TSHR: variants seen among roughly 807,000 people sequenced by gnomAD.
The protein encoded by TSHR is thyroid stimulating hormone receptor.
A neutral mutation model predicts 64.1 loss-of-function variants in TSHR; 51 were observed. The observed-to-expected ratio is 0.80, with a 90% CI of 0.64 to 1.01. TSHR has a LOEUF of 1.01. Ranked by LOEUF, TSHR falls within the 50% of genes least tolerant of loss-of-function variation. The pLI, the probability that TSHR is intolerant of heterozygous loss-of-function variation, is 0.00. For synonymous variants in TSHR, 361 were observed against 361.9 expected (o/e 1.00, Z 0.03); for missense variants, 877 against 942.8 (o/e 0.93, Z 0.91).
intron 1 of TSHR, among the ~76,000 whole-genome samples, chr14:81,018,940 G>A (rs375476277): frequency 5.9e-5 from 9 of 152,250 alleles, no homozygotes; most frequent in East Asian, 5.8e-4. Flanking sequence ...GATGTTACTC[G>A]TGAAGACAAA....
intron 1 of TSHR, among the ~76,000 whole-genome samples, chr14:81,055,508 A>T (rs529001990): frequency 2.6e-5 from 4 of 152,276 alleles, no homozygotes; most frequent in Admixed American, 2.6e-4. Context: ...ATCTACAGAC[A>T]CTCAACACTA....
chr14:80,982,447 G>A, intron 1 of TSHR: 1 of 1,177,864 alleles, frequency 8.5e-7, no homozygotes, highest in Non-Finnish European at 1.2e-6. Context: ...GTTGGAGCCT[G>A]TGACTGGGGC....
At chr14:81,108,221 A>C in intron 7 of TSHR, 154 bp from the exon 8 acceptor site, 1 of 667,574 alleles carries the variant, frequency 1.5e-6, no homozygotes, top group Non-Finnish European at 2.6e-6. Flanking sequence ...GAATGTTTTA[A>C]GTGCTCAAGC....
intron 1 of TSHR, among the ~76,000 whole-genome samples, chr14:81,009,169 C>A (rs1889776019): frequency 1.3e-5 from 2 of 152,100 alleles, no homozygotes; most frequent in African/African-American, 2.4e-5. Flanking sequence ...TCAATGTAAT[C>A]ATGCTTTTAT....
chr14:81,002,781 C>CTTTTTTTTTTTTTT (rs1174635270), intron 1 of TSHR, among the ~76,000 whole-genome samples: 16 of 44,316 alleles, frequency 3.6e-4, no homozygotes, highest in African/African-American at 8.8e-4. Flanking sequence ...CCTAATGCCT[C>CTTTTTTTTTTTTTT]TTTTTTTTTT....
intron 3 of TSHR, among the ~76,000 whole-genome samples, chr14:81,076,941 C>T (rs1400506054): frequency 6.6e-6 from 1 of 152,190 alleles, no homozygotes; most frequent in Non-Finnish European, 1.5e-5. Flanking sequence ...TCCTGCACAC[C>T]TGTGTTCTTT....
chr14:81,068,387 C>G (rs868755944), intron 3 of TSHR, 59 bp downstream of exon 3: 4 of 1,536,486 alleles, frequency 2.6e-6, no homozygotes, highest in Non-Finnish European at 2.7e-6. Context: ...GACTGATAAT[C>G]TTGGGGCTCC....
At chr14:81,056,672 G>C (rs1885825215) in intron 1 of TSHR, among the ~76,000 whole-genome samples, 1 of 152,118 alleles carries the variant, frequency 6.6e-6, no homozygotes, top group South Asian at 2.1e-4. Context: ...ATTTCCATAA[G>C]TCAAACTTAT....
chr14:81,099,266 T>C (rs750689019), intron 7 of TSHR: 1 of 141,098 alleles, frequency 7.1e-6, no homozygotes, highest in Non-Finnish European at 1.5e-5. Flanking sequence ...CAAGAACACA[T>C]GGCTTTTTTT....
chr14:81,030,789 T>G (rs1884309437), intron 1 of TSHR, among the ~76,000 whole-genome samples: 1 of 152,164 alleles, frequency 6.6e-6, no homozygotes, highest in African/African-American at 2.4e-5. Flanking sequence ...GAGAGGATTG[T>G]CAGGAGAAAA....
At chr14:81,011,262 G>T (rs1192971887) in intron 1 of TSHR, among the ~76,000 whole-genome samples, 2 of 151,146 alleles carry the variant, frequency 1.3e-5, no homozygotes, top group East Asian at 1.9e-4. Flanking sequence ...AAAGTATCAG[G>T]TTTTTGAAAG....
chr14:80,978,866 G>A (rs1041667910), intron 1 of TSHR, among the ~76,000 whole-genome samples: 1 of 152,136 alleles, frequency 6.6e-6, no homozygotes, highest in Non-Finnish European at 1.5e-5. Flanking sequence ...GGATGGTTTT[G>A]AGGTTCTTAT....
At chr14:81,011,703 T>C (rs1447205773) in intron 1 of TSHR, among the ~76,000 whole-genome samples, 4 of 152,150 alleles carry the variant, frequency 2.6e-5, no homozygotes, top group Admixed American at 2.0e-4. Flanking sequence ...TTTAGTCATA[T>C]GTAGTAACTA....
chr14:81,080,030 G>A (rs1265407704), intron 3 of TSHR, among the ~76,000 whole-genome samples: 2 of 152,108 alleles, frequency 1.3e-5, no homozygotes, highest in Non-Finnish European at 2.9e-5. Flanking sequence ...TCAGCTCACT[G>A]CAACCTCCGC....
intron 7 of TSHR, chr14:81,102,865 A>G: frequency 5.1e-6 from 5 of 985,198 alleles, no homozygotes; most frequent in Non-Finnish European, 6.0e-6. Flanking sequence ...ATCAAGATAA[A>G]AAGTATCTGG....
At chr14:81,123,328 G>A (rs1287286876) in intron 8 of TSHR, among the ~76,000 whole-genome samples, 1 of 152,144 alleles carries the variant, frequency 6.6e-6, no homozygotes, top group Non-Finnish European at 1.5e-5. Context: ...ATAGACATGT[G>A]ATGTCTCTTT....
intron 8 of TSHR, among the ~76,000 whole-genome samples, chr14:81,116,331 G>A (rs1462938258): frequency 1.6e-5 from 2 of 127,002 alleles, no homozygotes; most frequent in Admixed American, 1.7e-4. Flanking sequence ...AAAGGATGGA[G>A]GAAGATCTAC....
Position 80,966,045 on chromosome 14 carries a change from A to G in TSHR, c.170+10195A>G, listed in dbSNP as rs1887283420. 2.0e-5 allele frequency among the ~76,000 whole-genome samples: 3 copies of G among 152,330 alleles called. No individual in the cohort carries two copies. The South Asian group carries it at 6.2e-4, about 32-fold the overall frequency. ...TTCTTTCAGAAAACATGATCTCTGT[A>G]TTTATATGACACATGAAGCTTTTGG... is the stretch of plus-strand genomic sequence containing the variant. On this transcript the variant is annotated intron_variant, in intron 1 of 9. Coordinates refer to ENST00000298171, the MANE Select transcript of TSHR (RefSeq NM_000369.5).
intron 2 of TSHR, among the ~76,000 whole-genome samples, chr14:81,062,426 A>C (rs1355731160): frequency 6.6e-6 from 1 of 152,118 alleles, no homozygotes; most frequent in Non-Finnish European, 1.5e-5. Flanking sequence ...TTAAAACCTA[A>C]ATCAAATTTA....
Sources: allele counts gnomAD v4.1 joint callset (sites outside exome capture counted in the v4.1 genomes callset), GRCh38; gene constraint gnomAD v4.1.1; transcripts MANE v1.5; gene names NCBI Gene and HGNC (gene_info 2026-07-23, HGNC 2026-07-21).